The following DCAF6 variants were observed in gnomAD, a reference collection of about 807,000 sequenced individuals.
DCAF6 encodes DDB1 and CUL4 associated factor 6.
Under a neutral mutation model 125.1 loss-of-function variants are expected in DCAF6, and 54 were observed. The ratio of observed to expected loss-of-function variants is 0.43; its 90% CI spans 0.35 to 0.54. The LOEUF is 0.54. Ranked by LOEUF, DCAF6 falls within the 20% of genes least tolerant of loss-of-function variation. The probability of loss-of-function intolerance (pLI) is 0.01; values close to 1 mark genes in which losing one functional copy is unlikely to be tolerated. For missense variants in DCAF6, 934 were observed against 1,161.7 expected, an observed-to-expected ratio of 0.80 and a Z score of 2.85; for synonymous variants, 371 against 390.4, an observed-to-expected ratio of 0.95 and a Z score of 0.58.
At position 167,991,190 on chromosome 1, in the gene DCAF6, G is replaced by C. The variant is rs370286423; in HGVS notation, c.553-14G>C. On this transcript the variant is annotated splice_polypyrimidine_tract_variant and intron_variant, in intron 5 of 21. Transcript: ENST00000367840. ...TATAACTATATGTAATTGGTATTATGTTATGTTTTGTAGGATATTTTAATT... is the reference window on the plus strand; with the variant it reads ...TATAACTATATGTAATTGGTATTATCTTATGTTTTGTAGGATATTTTAATT... The C allele has an allele frequency of 4.8e-5, 77 of 1,606,016 alleles. No homozygotes were observed. The highest frequency in any genetic ancestry group is 6.5e-5 in the Non-Finnish European group (77 of 1,176,954).
In DCAF6 at chr1:168,068,382, C is replaced by T. The variant is rs2101996025; in HGVS notation, c.2710C>T (p.Leu904=). The change falls in exon 21 of 22, where the codon CTG becomes TTG. Residue 904 remains leucine (L), a synonymous_variant. Transcript: ENST00000367840. ...GGTTATAACTCGAAACGAACTCATGCTGGAAGAAACTAGAAACACCATTAC... is the reference window on the plus strand; with the variant it reads ...GGTTATAACTCGAAACGAACTCATGTTGGAAGAAACTAGAAACACCATTAC... ...DEVITRNELM[L]EETRNTITVP... is the part of the protein sequence containing the mutation. The T allele has an allele frequency of 6.2e-7, 1 of 1,604,060 alleles. No individual in the cohort carries two copies. Among genetic ancestry groups the T allele is most frequent in the Middle Eastern group, 1.7e-4 (1 of 6,016 alleles).
chr1:167,899,644 G>A, the DCAF6 span: 1 of 1,612,874 alleles, frequency 6.2e-7, no homozygotes, highest in Non-Finnish European at 8.5e-7. Context: ...AAGAAGGCAA[G>A]GAATAGGTTT....
At chr1:168,060,049 A>C (rs1279490409) in intron 17 of DCAF6, among the ~76,000 whole-genome samples, 1 of 152,312 alleles carries the variant, frequency 6.6e-6, no homozygotes, top group East Asian at 1.9e-4. Flanking sequence ...TGCTGTTATA[A>C]ATGCATTCCT....
intron 4 of DCAF6, among the ~76,000 whole-genome samples, chr1:167,984,645 C>T (rs929941346): frequency 1.3e-5 from 2 of 152,092 alleles, no homozygotes; most frequent in African/African-American, 4.8e-5. Context: ...AGATGGAATA[C>T]TAATTACATT....
At chr1:168,014,940 C>T (rs1684761292) in intron 10 of DCAF6, among the ~76,000 whole-genome samples, 1 of 152,192 alleles carries the variant, frequency 6.6e-6, no homozygotes, top group Non-Finnish European at 1.5e-5. Flanking sequence ...CTTTACCTTA[C>T]CCTGCCAATT....
chr1:168,008,011 C>CCCAG (rs1040036192), intron 10 of DCAF6, among the ~76,000 whole-genome samples: 2 of 130,090 alleles, frequency 1.5e-5, no homozygotes, highest in African/African-American at 2.8e-5. Flanking sequence ...CACTCTGTCA[C>CCCAG]CCAGGCTGGA....
intron 13 of DCAF6, among the ~76,000 whole-genome samples, chr1:168,041,363 T>C (rs540043441): frequency 6.6e-6 from 1 of 152,212 alleles, no homozygotes; most frequent in South Asian, 2.1e-4. Flanking sequence ...CAAATATTTT[T>C]CCCAATTTGG....
chr1:168,050,695 TTC>T (rs1300359435), intron 16 of DCAF6, among the ~76,000 whole-genome samples, 195 bp from the exon 17 acceptor site: 1 of 152,214 alleles, frequency 6.6e-6, no homozygotes. Flanking sequence ...CAATGAGTGT[TTC>T]TGTTTCCTTA....
chr1:168,008,337 C>T (rs148041936), intron 10 of DCAF6, among the ~76,000 whole-genome samples: 65 of 152,258 alleles, frequency 4.3e-4, no homozygotes, highest in Admixed American at 9.2e-4. Context: ...CTTCCTGTTC[C>T]GTAATTGGCT....
chr1:168,021,801 G>A (rs1327047296), intron 11 of DCAF6, among the ~76,000 whole-genome samples: 1 of 152,124 alleles, frequency 6.6e-6, no homozygotes, highest in Non-Finnish European at 1.5e-5. Context: ...TAAAATCAAT[G>A]TGAATCCAGG....
intron 13 of DCAF6, among the ~76,000 whole-genome samples, chr1:168,040,343 A>G (rs1688366037): frequency 6.6e-6 from 1 of 152,010 alleles, no homozygotes; most frequent in Non-Finnish European, 1.5e-5. Flanking sequence ...TGAGGAGGAT[A>G]TTTAAAAGGA....
At chr1:167,964,312 G>A (rs979555808) in intron 2 of DCAF6, among the ~76,000 whole-genome samples, 16 of 152,102 alleles carry the variant, frequency 1.1e-4, no homozygotes, top group African/African-American at 2.7e-4. Flanking sequence ...ATAATTTTGC[G>A]GGGTACAGTA....
At chr1:168,021,890 C>T (rs1165707292) in intron 11 of DCAF6, among the ~76,000 whole-genome samples, 2 of 152,148 alleles carry the variant, frequency 1.3e-5, no homozygotes, top group Non-Finnish European at 2.9e-5. Flanking sequence ...CCATTATGAG[C>T]AGAAACTGGT....
the DCAF6 span, among the ~76,000 whole-genome samples, chr1:167,864,179 C>T: frequency 2.8e-4 from 43 of 152,144 alleles, no homozygotes; most frequent in African/African-American, 5.6e-4. Context: ...AAAGTGTGTG[C>T]GTGCCCTTTT....
At chr1:168,025,506 C>A (rs549418088) in intron 12 of DCAF6, among the ~76,000 whole-genome samples, 1 of 152,200 alleles carries the variant, frequency 6.6e-6, no homozygotes, top group South Asian at 2.1e-4. Flanking sequence ...TGTAATAAGA[C>A]CTCTGAGCAG....
chr1:168,013,140 A>G (rs1684521264), intron 10 of DCAF6, among the ~76,000 whole-genome samples: 1 of 152,196 alleles, frequency 6.6e-6, no homozygotes, highest in Non-Finnish European at 1.5e-5. Flanking sequence ...TGCTGACTAT[A>G]AATAAGGTGT....
At chr1:167,975,699 C>T (rs1678045241) in intron 4 of DCAF6, among the ~76,000 whole-genome samples, 1 of 152,112 alleles carries the variant, frequency 6.6e-6, no homozygotes, top group South Asian at 2.1e-4. Context: ...GCATGTGCCA[C>T]CATGCCCAAC....
the DCAF6 span, among the ~76,000 whole-genome samples, chr1:167,903,710 T>A: frequency 2.0e-4 from 31 of 152,230 alleles, no homozygotes; most frequent in Non-Finnish European, 4.1e-4. Flanking sequence ...GAGGTTTGAT[T>A]ATATTTATTT....
chr1:168,069,980 C>T (rs1273925780), intron 21 of DCAF6, among the ~76,000 whole-genome samples: 1 of 152,112 alleles, frequency 6.6e-6, no homozygotes. Context: ...CTAAAATGTG[C>T]TTACTCTTAT....
Sources: allele counts gnomAD v4.1 joint callset (sites outside exome capture counted in the v4.1 genomes callset), GRCh38; gene constraint gnomAD v4.1.1; transcripts MANE v1.5; gene names NCBI Gene and HGNC (gene_info 2026-07-23, HGNC 2026-07-21).